Variants in RMDN1 observed in about 807,000 individuals in gnomAD.
RMDN1 encodes the protein regulator of microtubule dynamics 1.
A neutral mutation model predicts 48.9 loss-of-function variants in RMDN1; 48 were observed. The observed-to-expected ratio is 0.98, with a 90% confidence interval of 0.78 to 1.25. RMDN1 has a LOEUF of 1.25. Among genes scored for constraint, RMDN1 ranks in the 50% most tolerant of loss-of-function variants. RMDN1 has a pLI of 0.00. For synonymous variants in RMDN1, 148 were observed against 132.6 expected (o/e 1.12, Z -0.80); for missense variants, 418 against 373.4 (o/e 1.12, Z -0.98).
chr8:86,497,330 C>CA (rs927627509), intron 2 of RMDN1, among the ~76,000 whole-genome samples: 32 of 151,906 alleles, frequency 2.1e-4, no homozygotes, highest in Admixed American at 6.6e-4. Flanking sequence ...GAAAGCCATA[C>CA]AAAAAAAATC....
intron 4 of RMDN1, among the ~76,000 whole-genome samples, chr8:86,485,833 T>C (rs1308825892): frequency 6.6e-6 from 1 of 152,162 alleles, no homozygotes; most frequent in Non-Finnish European, 1.5e-5. Flanking sequence ...ATGTCTGCAA[T>C]GAAAAAGATT....
intron 2 of RMDN1, among the ~76,000 whole-genome samples, chr8:86,506,604 T>C (rs772956721): frequency 1.3e-5 from 2 of 152,240 alleles, no homozygotes; most frequent in Non-Finnish European, 2.9e-5. Context: ...CCCTTTTTCA[T>C]ATGTTGCTCA....
chr8:86,472,054 A>AGTT (rs1812643765), downstream of RMDN1, among the ~76,000 whole-genome samples: 1 of 152,244 alleles, frequency 6.6e-6, no homozygotes, highest in Non-Finnish European at 1.5e-5. Flanking sequence ...TAACTTCTCC[A>AGTT]GTTGTGATAA....
chr8:86,473,881 C>T lies in RMDN1; in HGVS notation c.*427G>A, dbSNP rs890091327. The T allele has an allele frequency of 3.0e-6, 3 of 992,190 alleles. No homozygotes were observed. Among genetic ancestry groups the T allele is most frequent in the Non-Finnish European group, 3.6e-6 (3 of 834,574 alleles). 61.5% of individuals were successfully genotyped at this position (992,190 alleles called of 1,614,324 possible). ...ACTACTTTATGTCAGGAACCCACAACATCCTAACCACTGTCACCACACCTT... is the reference window on the plus strand; with the variant it reads ...ACTACTTTATGTCAGGAACCCACAATATCCTAACCACTGTCACCACACCTT... On this transcript the variant is annotated 3_prime_UTR_variant, in exon 10 of 10. Transcript: ENST00000406452.
At chr8:86,506,199 T>A (rs1819322024) in intron 2 of RMDN1, among the ~76,000 whole-genome samples, 1 of 152,220 alleles carries the variant, frequency 6.6e-6, no homozygotes, top group South Asian at 2.1e-4. Context: ...TTGGTAGAGA[T>A]TCATTATTTC....
At chr8:86,470,304 C>T, downstream of RMDN1, 1 of 1,289,296 alleles carries the variant, frequency 7.8e-7, no homozygotes, top group Non-Finnish European at 1.0e-6. Flanking sequence ...GTGGGGGCTG[C>T]ACGGGAAGGA....
intron 2 of RMDN1, among the ~76,000 whole-genome samples, chr8:86,489,080 G>A (rs1462090829): frequency 6.6e-6 from 1 of 152,212 alleles, no homozygotes; most frequent in Non-Finnish European, 1.5e-5. Flanking sequence ...AGTCTTTGTT[G>A]TTGCTGCTGT....
chr8:86,486,152 C>T (rs958641490), intron 4 of RMDN1, among the ~76,000 whole-genome samples: 3 of 152,098 alleles, frequency 2.0e-5, no homozygotes, highest in African/African-American at 7.2e-5. Context: ...CTGTGAAGTG[C>T]TTATACTACT....
rs1253704916 is a variant in RMDN1 at position 86,508,669 on chromosome 8, G to C, written c.-49C>G. The C allele has an allele frequency of 2.6e-6, 4 of 1,533,498 alleles. No homozygotes were observed. The African/African-American group carries it at 4.1e-5, about 16-fold the overall frequency. The allele number at this position is 1,533,498 out of a possible 1,614,324, so 95.0% of individuals were successfully genotyped here. A position where few individuals can be genotyped will look rare whatever the true frequency, so the allele number is the denominator to read the frequency against. On this transcript the variant is annotated 5_prime_UTR_variant, in exon 1 of 10. Coordinates refer to ENST00000406452, the MANE Select transcript of RMDN1 (RefSeq NM_016033.3). ...CTGCACTACTTCAGGCAGCTACGGA[G>C]GCGGGCGGGGCTAAAGGAGATTCAA...
At chr8:86,476,792 C>T (rs943545945) in intron 8 of RMDN1, among the ~76,000 whole-genome samples, 2 of 152,070 alleles carry the variant, frequency 1.3e-5, no homozygotes, top group Admixed American at 6.6e-5. Flanking sequence ...AACTCCTGGG[C>T]TCAAGTGACC....
At chr8:86,510,858 C>T (rs1243795213), upstream of RMDN1, among the ~76,000 whole-genome samples, 3 of 152,258 alleles carry the variant, frequency 2.0e-5, no homozygotes, top group Non-Finnish European at 4.4e-5. Context: ...CGTAGTGGCT[C>T]ACACCTGTAA....
chr8:86,503,361 CAAAACAAAACAAAAAAAAAAAAAA>C lies in RMDN1; in HGVS notation c.247+3610_247+3633del, dbSNP rs1246061144. Among the ~76,000 whole-genome samples the C allele has an allele frequency of 9.7e-4, 63 of 64,666 alleles. 2 individuals carry two copies. The highest frequency in any genetic ancestry group is 2.7e-3 in the African/African-American group (55 of 20,710). 42.4% of individuals were successfully genotyped at this position (64,666 alleles called of 152,430 possible). A position where few individuals can be genotyped will look rare whatever the true frequency, so the allele number is the denominator to read the frequency against. On this transcript the variant is annotated intron_variant, in intron 2 of 9. Coordinates refer to ENST00000406452, the MANE Select transcript of RMDN1 (RefSeq NM_016033.3). ...AGCAAGACTCCGTCTCAAAACAAAA[CAAAACAAAACAAAAAAAAAAAAAA>C]AAAACAAAAAAAAATAACAAAAATA...
At chr8:86,477,416 A>G (rs998359379) in intron 7 of RMDN1, 92 bp from the exon 8 acceptor site, 1 of 989,034 alleles carries the variant, frequency 1.0e-6, no homozygotes, top group Admixed American at 2.8e-5. Flanking sequence ...CTGCTATATT[A>G]TATTTAAGTC....
At chr8:86,472,257 G>C (rs1246918560), downstream of RMDN1, 2 of 594,074 alleles carry the variant, frequency 3.4e-6, no homozygotes, top group Admixed American at 3.0e-5. Context: ...CCTGAAATTC[G>C]TGCTCCATAA....
rs752429733 is a variant in RMDN1, at chr8:86,480,370, C to A, written c.586-38G>T. On this transcript the variant is annotated intron_variant, in intron 5 of 9. Coordinates refer to ENST00000406452, the MANE Select transcript of RMDN1 (RefSeq NM_016033.3). ...GAGAAAAATAAATCATATTTGTTTT[C>A]TAAACACCAATAAGTGCTTTACTGT... 3.4e-6 allele frequency: 4 copies of A among 1,192,498 alleles called. No homozygotes were observed. The South Asian group carries it at 6.2e-5, about 18-fold the overall frequency. 73.9% of individuals were successfully genotyped at this position (1,192,498 alleles called of 1,614,324 possible).
chr8:86,480,568 C>CT (rs1343759484), intron 5 of RMDN1, among the ~76,000 whole-genome samples: 1 of 151,986 alleles, frequency 6.6e-6, no homozygotes, highest in African/African-American at 2.4e-5. Flanking sequence ...TAGTAAGTGT[C>CT]TATCAAGATG....
intron 2 of RMDN1, among the ~76,000 whole-genome samples, chr8:86,499,249 C>T (rs1012925504): frequency 3.3e-5 from 5 of 152,010 alleles, no homozygotes; most frequent in Non-Finnish European, 7.4e-5. Flanking sequence ...GGAAAGGCAT[C>T]CAAATAGAAA....
rs1166031159 is a variant in RMDN1, at chr8:86,472,678, G to C, written c.*1630C>G. On this transcript the variant is annotated 3_prime_UTR_variant, in exon 10 of 10. Coordinates refer to ENST00000406452, the MANE Select transcript of RMDN1 (RefSeq NM_016033.3). ...TCATATTTTTTTTTTTGCCATCCTT[G>C]TTCCTGTGCGAGTTATGTCATATTT... is the stretch of plus-strand genomic sequence containing the variant. 5 of 548,388 alleles carry C rather than the reference G, an allele frequency of 9.1e-6. No individual in the cohort carries two copies. The highest frequency in any genetic ancestry group is 1.6e-5 in the Non-Finnish European group (5 of 312,428). 34.0% of individuals were successfully genotyped at this position (548,388 alleles called of 1,614,324 possible).
upstream of RMDN1, among the ~76,000 whole-genome samples, chr8:86,512,250 A>G (rs1016294433): frequency 3.9e-4 from 60 of 152,334 alleles, no homozygotes; most frequent in Admixed American, 3.3e-4. Context: ...TATGGATACT[A>G]TATATTCTGG....
Sources: gnomAD v4.1 joint callset for allele counts (sites outside exome capture counted in the v4.1 genomes callset) on GRCh38, gnomAD v4.1.1 for gene constraint, MANE v1.5 for transcripts, NCBI Gene and HGNC (gene_info 2026-07-23, HGNC 2026-07-21) for gene names.